Variants in WDR62 observed in about 807,000 individuals in gnomAD.
WDR62 encodes WD repeat-containing protein 62.
WDR62 carries 112 observed loss-of-function variants against 160.6 expected under a neutral mutation model. That is an observed-to-expected ratio of 0.70 (90% CI 0.60 to 0.82). The LOEUF (loss-of-function observed/expected upper bound fraction) is 0.82. Among genes scored for constraint, WDR62 ranks in the 40% least tolerant of loss-of-function variants. WDR62 has a pLI of 0.00. For missense variants in WDR62, 1,819 were observed against 1,983.8 expected, an observed-to-expected ratio of 0.92 and a Z score of 1.58; for synonymous variants, 792 against 815.1, an observed-to-expected ratio of 0.97 and a Z score of 0.48.
At chr19:36,102,315 C>T (rs944871690) in intron 26 of WDR62, 164 bp downstream of exon 26, 51 of 1,023,300 alleles carry the variant, frequency 5.0e-5, no homozygotes, top group Non-Finnish European at 6.3e-5. Flanking sequence ...GGCTGGAGTG[C>T]GGTGGCCCAA....
intron 9 of WDR62, among the ~76,000 whole-genome samples, chr19:36,078,950 G>C (rs747853466): frequency 7.3e-6 from 1 of 136,304 alleles, no homozygotes; most frequent in Non-Finnish European, 1.6e-5. Context: ...ATTTGACCTT[G>C]GTCCTTTCCT....
Position 36,081,377 on chromosome 19 carries a change from G to GTCATTTTC in WDR62, c.1234-55_1234-54insCATTTTCT, listed in dbSNP as rs142105577. ...TTTTTTTTTCCATGAAAATGCAACA[G>GTCATTTTC]TAAGTCATAGTGCTGTCATTGAGTC... On this transcript the variant is annotated intron_variant, in intron 9 of 31. Transcript: ENST00000401500. 481,537 of 1,599,374 alleles carry GTCATTTTC rather than the reference G, an allele frequency of 0.3. 74,476 individuals carry two copies. Among genetic ancestry groups the GTCATTTTC allele is most frequent in the Non-Finnish European group, 0.32 (371,780 of 1,168,104 alleles).
chr19:36,102,945 C>A lies in WDR62; in HGVS notation c.3336-3C>A. ...ATCATCCCCCCTGCTCTCCTCCCCA[C>A]AGGTTCACCCATACCTTCCCTCCCC... On this transcript the variant is annotated splice_region_variant and splice_polypyrimidine_tract_variant and intron_variant, in intron 27 of 31. Transcript: ENST00000401500. 6.2e-7 allele frequency: 1 copy of A among 1,614,172 alleles called. No homozygotes were observed. The highest frequency in any genetic ancestry group is 8.5e-7 in the Non-Finnish European group (1 of 1,180,046).
chr19:36,085,507 G>A (rs1024312361), intron 12 of WDR62, among the ~76,000 whole-genome samples: 3 of 141,056 alleles, frequency 2.1e-5, no homozygotes, highest in East Asian at 2.2e-4. Flanking sequence ...TGCAACTTCC[G>A]CCTCCCAGGT....
intron 7 of WDR62, chr19:36,070,700 G>A (rs78402206): frequency 3.3e-5 from 5 of 152,294 alleles, no homozygotes; most frequent in African/African-American, 1.2e-4. Context: ...TTTCAAGCAA[G>A]TGAAAAGCTT....
rs996765447 is a variant in WDR62, at chr19:36,091,136, C to T, written c.2035-64C>T. ...GCATGCAGCACGGGGGAGGGAGGGG[C>T]CCAGGCCTCATCATAAGGAAGAAGC... On this transcript the variant is annotated intron_variant, in intron 16 of 31. Coordinates refer to ENST00000401500, the MANE Select transcript of WDR62 (RefSeq NM_001083961.2). 7.0e-6 allele frequency: 10 copies of T among 1,438,042 alleles called. No homozygotes were observed. The African/African-American group carries it at 1.3e-4, about 18-fold the overall frequency. The allele number at this position is 1,438,042 out of a possible 1,614,324, so 89.1% of individuals were successfully genotyped here.
Position 36,065,808 on chromosome 19 carries a change from G to T in WDR62, c.333-150G>T, listed in dbSNP as rs546090462. On this transcript the variant is annotated intron_variant, in intron 3 of 31. Coordinates refer to ENST00000401500, the MANE Select transcript of WDR62 (RefSeq NM_001083961.2). ...TTTGCTGGGCACACCAGCGGCACTG[G>T]CTCTGTGGGAGCTGCTTGAGCTCAC... 8.7e-6 allele frequency: 7 copies of T among 804,548 alleles called. No homozygotes were observed. The East Asian group carries it at 1.7e-4, about 19-fold the overall frequency. The allele number at this position is 804,548 out of a possible 1,614,324, so 49.8% of individuals were successfully genotyped here.
chr19:36,070,205 C>A (rs1971223757), intron 7 of WDR62: 1 of 142,002 alleles, frequency 7.0e-6, no homozygotes, highest in African/African-American at 2.7e-5. Flanking sequence ...GTTGCCAAGG[C>A]TGGAGTGCAG....
intron 15 of WDR62, 149 bp from the exon 16 acceptor site, chr19:36,090,296 G>T: frequency 1.4e-6 from 1 of 740,606 alleles, no homozygotes; most frequent in Admixed American, 1.9e-5. Flanking sequence ...ACCTCAGCTT[G>T]AGATGGGGTT....
chr19:36,081,072 T>C (rs1270155510), intron 9 of WDR62, among the ~76,000 whole-genome samples: 1 of 152,216 alleles, frequency 6.6e-6, no homozygotes, highest in Non-Finnish European at 1.5e-5. Flanking sequence ...ACTACAGGCA[T>C]GCGCCACCTC....
At chr19:36,064,932 A>C (rs559084909) in intron 3 of WDR62, among the ~76,000 whole-genome samples, 72 of 152,268 alleles carry the variant, frequency 4.7e-4, no homozygotes, top group African/African-American at 1.6e-3. Context: ...TCTGGTCTTG[A>C]AGTCACTTCA....
intron 12 of WDR62, among the ~76,000 whole-genome samples, chr19:36,085,156 C>T (rs962231542): frequency 7.2e-5 from 11 of 152,092 alleles, no homozygotes; most frequent in Non-Finnish European, 1.5e-4. Context: ...CTTGCTGTCA[C>T]CCAGGCTAGA....
intron 15 of WDR62, 119 bp downstream of exon 15, chr19:36,089,425 GTGT>G: frequency 2.6e-6 from 4 of 1,540,564 alleles, no homozygotes; most frequent in Non-Finnish European, 3.6e-6. Flanking sequence ...GACCCAGCAG[GTGT>G]TCCTTCTTGG....
At chr19:36,064,869 C>T (rs919719643) in intron 3 of WDR62, among the ~76,000 whole-genome samples, 1 of 152,288 alleles carries the variant, frequency 6.6e-6, no homozygotes, top group East Asian at 1.9e-4. Context: ...CGTGAGGCAC[C>T]GCACCCGGCC....
intron 9 of WDR62, among the ~76,000 whole-genome samples, chr19:36,074,531 A>G (rs1399272837): frequency 6.6e-6 from 1 of 152,104 alleles, no homozygotes; most frequent in Non-Finnish European, 1.5e-5. Context: ...GCGCGCCTAT[A>G]GTTGCAGCTA....
At chr19:36,078,833 CA>C (rs748116998) in intron 9 of WDR62, among the ~76,000 whole-genome samples, 136 of 65,364 alleles carry the variant, frequency 2.1e-3, no homozygotes, top group East Asian at 9.0e-3. Flanking sequence ...GAGACTCTGT[CA>C]AAAAAAAAAA....
chr19:36,086,205 C>T (rs1207373224), intron 12 of WDR62, among the ~76,000 whole-genome samples: 1 of 152,058 alleles, frequency 6.6e-6, no homozygotes, highest in African/African-American at 2.4e-5. Context: ...TGTTATTAGG[C>T]CTCAGACATA....
At chr19:36,055,240 C>G (rs1970294349) in intron 1 of WDR62, 92 bp downstream of exon 1, 1 of 1,415,170 alleles carries the variant, frequency 7.1e-7, no homozygotes, top group Non-Finnish European at 9.7e-7. Flanking sequence ...ACATCAGCCC[C>G]CGGCCAGTCC....
At chr19:36,104,112 T>G in intron 30 of WDR62, 131 bp downstream of exon 30, 1 of 1,198,958 alleles carries the variant, frequency 8.3e-7, no homozygotes, top group African/African-American at 1.5e-5. Flanking sequence ...TTAACTTAAA[T>G]ATTTAATGAG....
Sources: allele counts gnomAD v4.1 joint callset (sites outside exome capture counted in the v4.1 genomes callset), GRCh38; gene constraint gnomAD v4.1.1; transcripts MANE v1.5; gene names NCBI Gene and HGNC (gene_info 2026-07-23, HGNC 2026-07-21).